Variants in MALRD1 observed in about 807,000 individuals in gnomAD.
MALRD1 encodes the protein MAM and LDL-receptor class A domain-containing protein 1.
In MALRD1, 247 loss-of-function variants were observed where a neutral mutation model predicts 242.1. The ratio of observed to expected loss-of-function variants is 1.02; its 90% confidence interval spans 0.92 to 1.13. The LOEUF (loss-of-function observed/expected upper bound fraction) is 1.13. Ranked by LOEUF, MALRD1 falls within the 50% of genes most tolerant of loss-of-function variation. The probability of loss-of-function intolerance (pLI) is 0.00; values close to 1 mark genes in which losing one functional copy is unlikely to be tolerated. For missense variants in MALRD1, 2,989 were observed against 2,533.1 expected, an observed-to-expected ratio of 1.18 and a Z score of -3.86; for synonymous variants, 995 against 866.6, an observed-to-expected ratio of 1.15 and a Z score of -2.60.
intron 34 of MALRD1, among the ~76,000 whole-genome samples, chr10:19,602,253 T>C (rs1321425582): frequency 6.6e-6 from 1 of 151,062 alleles, no homozygotes; most frequent in Non-Finnish European, 1.5e-5. Context: ...CGTGCAGGTT[T>C]GTTACATATG....
At chr10:19,707,863 A>G (rs1369898636) in intron 38 of MALRD1, among the ~76,000 whole-genome samples, 2 of 120,612 alleles carry the variant, frequency 1.7e-5, no homozygotes, top group African/African-American at 5.3e-5. Context: ...GGCCTGAGGC[A>G]GGAGAATCGC....
At chr10:19,082,835 C>A (rs1448881333) in intron 2 of MALRD1, among the ~76,000 whole-genome samples, 1 of 151,718 alleles carries the variant, frequency 6.6e-6, no homozygotes, top group East Asian at 1.9e-4. Flanking sequence ...CTGTCTTAGT[C>A]AATTTTGGCT....
intron 29 of MALRD1, among the ~76,000 whole-genome samples, chr10:19,472,939 T>G (rs1264743689): frequency 6.6e-6 from 1 of 151,330 alleles, no homozygotes; most frequent in Non-Finnish European, 1.5e-5. Flanking sequence ...TTGATAAATA[T>G]GAATTTATCT....
intron 26 of MALRD1, among the ~76,000 whole-genome samples, chr10:19,385,043 C>T (rs1455623438): frequency 1.3e-5 from 2 of 151,838 alleles, no homozygotes; most frequent in Non-Finnish European, 2.9e-5. Context: ...ATTCTTCATT[C>T]TGTTAATGTG....
chr10:19,147,195 C>T (rs145233134), intron 11 of MALRD1, among the ~76,000 whole-genome samples: 42 of 152,284 alleles, frequency 2.8e-4, no homozygotes, highest in African/African-American at 9.9e-4. Context: ...TACTGTAGAT[C>T]ATCTTTCAAC....
intron 38 of MALRD1, among the ~76,000 whole-genome samples, chr10:19,728,994 A>G (rs2131934660): frequency 6.6e-6 from 1 of 152,356 alleles, no homozygotes; most frequent in East Asian, 1.9e-4. Flanking sequence ...TGTTGACTCA[A>G]TTCAGACTTT....
At position 19,464,988 on chromosome 10, in the gene MALRD1, T is replaced by A. The variant is rs948328273; in HGVS notation, c.5029+14498T>A. Among the ~76,000 whole-genome samples, 3 of 150,954 alleles carry A rather than the reference T, an allele frequency of 2.0e-5. No individual in the cohort carries two copies. The Admixed American group carries it at 2.0e-4, about 10-fold the overall frequency. ...TTTTTTGCAGCTCTTGTAAAAGTGG[T>A]TGAGTTCTTGATTTGATTCTCAGCT... On this transcript the variant is annotated intron_variant, in intron 29 of 39. Transcript: ENST00000454679.
chr10:19,339,551 T>A (rs1564575339), intron 24 of MALRD1, among the ~76,000 whole-genome samples: 1 of 152,208 alleles, frequency 6.6e-6, no homozygotes, highest in Non-Finnish European at 1.5e-5. Flanking sequence ...GTTCCTTTAT[T>A]GCTTGCCATC....
chr10:19,215,430 G>C (rs1445075142), intron 18 of MALRD1, among the ~76,000 whole-genome samples: 1 of 152,142 alleles, frequency 6.6e-6, no homozygotes, highest in South Asian at 2.1e-4. Context: ...CTTGCAAATT[G>C]ATATGGATGG....
chr10:19,493,303 A>G (rs1837570228), intron 30 of MALRD1: 1 of 152,054 alleles, frequency 6.6e-6, no homozygotes, highest in African/African-American at 2.4e-5. Flanking sequence ...CACTTACCCT[A>G]ATGTCTTCAA....
intron 34 of MALRD1, 86 bp downstream of exon 34, chr10:19,595,543 C>A (rs528027318): frequency 2.2e-6 from 3 of 1,370,836 alleles, no homozygotes; most frequent in Non-Finnish European, 2.9e-6. Flanking sequence ...AAATGAAGTT[C>A]TCTAGAGCCT....
chr10:19,711,312 G>A (rs759623707), intron 38 of MALRD1: 1 of 152,130 alleles, frequency 6.6e-6, no homozygotes, highest in Non-Finnish European at 1.5e-5. Flanking sequence ...AAACACATAA[G>A]TCAGAAACTC....
intron 1 of MALRD1, among the ~76,000 whole-genome samples, chr10:19,050,917 AG>A (rs920136442): frequency 3.3e-5 from 5 of 152,250 alleles, no homozygotes; most frequent in African/African-American, 1.2e-4. Context: ...GCTGCTGAAT[AG>A]GAAAGGTCTT....
intron 5 of MALRD1, among the ~76,000 whole-genome samples, chr10:19,121,590 T>C (rs1837067231): frequency 6.7e-6 from 1 of 148,542 alleles, no homozygotes; most frequent in African/African-American, 2.5e-5. Flanking sequence ...AATGATCTTG[T>C]AGAGAAAGAG....
At chr10:19,088,589 A>G in intron 4 of MALRD1, among the ~76,000 whole-genome samples, 1 of 60,248 alleles carries the variant, frequency 1.7e-5, no homozygotes, top group Non-Finnish European at 3.8e-5. Flanking sequence ...TTATTTATTT[A>G]TTTTTTTTTA....
At chr10:19,257,873 C>A in intron 19 of MALRD1, 102 bp downstream of exon 19, 1 of 747,518 alleles carries the variant, frequency 1.3e-6, no homozygotes, top group Non-Finnish European at 2.0e-6. Flanking sequence ...CCAATATGAC[C>A]TTGCTTTTAT....
intron 19 of MALRD1, among the ~76,000 whole-genome samples, chr10:19,265,266 C>T (rs1054104364): frequency 4.0e-5 from 6 of 151,586 alleles, no homozygotes; most frequent in South Asian, 2.1e-4. Flanking sequence ...TAATTTGGAG[C>T]TTAGTTTGTT....
chr10:19,390,669 CT>C (rs979625917), intron 28 of MALRD1, among the ~76,000 whole-genome samples: 14 of 145,944 alleles, frequency 9.6e-5, no homozygotes, highest in Admixed American at 1.4e-4. Flanking sequence ...GAGACCATTG[CT>C]TTTTTTTTTA....
At chr10:19,086,067 T>C (rs1355311992) in intron 2 of MALRD1, among the ~76,000 whole-genome samples, 1 of 152,076 alleles carries the variant, frequency 6.6e-6, no homozygotes, top group East Asian at 1.9e-4. Context: ...CCGCTCTTCA[T>C]CTAAATTGTG....
Sources: allele counts gnomAD v4.1 joint callset (sites outside exome capture counted in the v4.1 genomes callset), GRCh38; gene constraint gnomAD v4.1.1; transcripts MANE v1.5; gene names NCBI Gene and HGNC (gene_info 2026-07-23, HGNC 2026-07-21).